The following SPATA16 variants were observed in gnomAD, a reference collection of about 807,000 sequenced individuals.
SPATA16 encodes the protein spermatogenesis associated 16, also known as spermatogenesis-associated protein 16.
SPATA16 carries 36 observed loss-of-function variants against 63.3 expected under a neutral mutation model. The ratio of observed to expected loss-of-function variants is 0.57; its 90% CI spans 0.44 to 0.75. SPATA16 has a LOEUF of 0.75. Among genes scored for constraint, SPATA16 ranks in the 30% least tolerant of loss-of-function variants. The pLI, the probability that SPATA16 is intolerant of heterozygous loss-of-function variation, is 0.00. For missense variants in SPATA16, 646 were observed against 679.3 expected (o/e 0.95, Z 0.54); for synonymous variants, 203 against 216.7 (o/e 0.94, Z 0.56).
At chr3:173,015,798 C>T (rs962849597) in intron 4 of SPATA16, among the ~76,000 whole-genome samples, 1 of 151,902 alleles carries the variant, frequency 6.6e-6, no homozygotes, top group Non-Finnish European at 1.5e-5. Context: ...ACAAAACAGT[C>T]TTGGCTTTTC....
chr3:173,114,662 G>A (rs1403567107), intron 2 of SPATA16, among the ~76,000 whole-genome samples: 1 of 152,174 alleles, frequency 6.6e-6, no homozygotes, highest in Non-Finnish European at 1.5e-5. Flanking sequence ...TAACCCTAAT[G>A]TATCCACACT....
chr3:172,894,832 A>G (rs551938558), intron 10 of SPATA16, among the ~76,000 whole-genome samples: 2 of 152,304 alleles, frequency 1.3e-5, no homozygotes, highest in African/African-American at 2.4e-5. Context: ...GAGTGCACCA[A>G]CTATGAACCA....
At chr3:172,968,442 C>T (rs1264932431) in intron 5 of SPATA16, among the ~76,000 whole-genome samples, 1 of 152,182 alleles carries the variant, frequency 6.6e-6, no homozygotes, top group Non-Finnish European at 1.5e-5. Context: ...TTGGCATGTA[C>T]ATGTTGGGTT....
intron 2 of SPATA16, among the ~76,000 whole-genome samples, chr3:173,108,589 T>C (rs1420944726): frequency 6.6e-6 from 1 of 152,134 alleles, no homozygotes; most frequent in East Asian, 1.9e-4. Context: ...GAGAGTGGGT[T>C]TGGGCATCTG....
At chr3:172,900,594 A>G (rs1401541003) in intron 10 of SPATA16, among the ~76,000 whole-genome samples, 1 of 151,352 alleles carries the variant, frequency 6.6e-6, no homozygotes, top group Admixed American at 6.6e-5. Flanking sequence ...TTTTTTTTAC[A>G]GTTTATTTTT....
chr3:173,037,414 C>A (rs908796194), intron 3 of SPATA16, among the ~76,000 whole-genome samples: 2 of 152,006 alleles, frequency 1.3e-5, no homozygotes, highest in Non-Finnish European at 2.9e-5. Context: ...AGGTTAAATG[C>A]AGAGTGAAGT....
intron 3 of SPATA16, among the ~76,000 whole-genome samples, chr3:173,024,543 G>T (rs1735408033): frequency 6.6e-6 from 1 of 150,488 alleles, no homozygotes; most frequent in Admixed American, 6.6e-5. Context: ...TTCAAGAAAG[G>T]TATCAAAATT....
intron 2 of SPATA16, among the ~76,000 whole-genome samples, chr3:173,071,315 A>G (rs977189138): frequency 9.2e-5 from 14 of 152,324 alleles, no homozygotes; most frequent in African/African-American, 3.4e-4. Flanking sequence ...TTAACTCAAA[A>G]TGGATTACAG....
chr3:172,914,570 G>C (rs961994792), intron 9 of SPATA16, among the ~76,000 whole-genome samples: 1 of 152,216 alleles, frequency 6.6e-6, no homozygotes, highest in Non-Finnish European at 1.5e-5. Flanking sequence ...AGCAATCACT[G>C]TTTAGATAGC....
At chr3:173,086,613 T>C (rs1737061535) in intron 2 of SPATA16, among the ~76,000 whole-genome samples, 1 of 152,166 alleles carries the variant, frequency 6.6e-6, no homozygotes, top group Non-Finnish European at 1.5e-5. Context: ...TCTTTAGTTC[T>C]GTTAGTTGCA....
At chr3:172,940,317 C>A (rs1733115314) in intron 6 of SPATA16, among the ~76,000 whole-genome samples, 1 of 152,158 alleles carries the variant, frequency 6.6e-6, no homozygotes, top group Admixed American at 6.5e-5. Context: ...AAGCCTTCAA[C>A]TTGTGGAACC....
At chr3:172,903,904 T>C (rs1732179493) in intron 10 of SPATA16, among the ~76,000 whole-genome samples, 1 of 152,188 alleles carries the variant, frequency 6.6e-6, no homozygotes, top group African/African-American at 2.4e-5. Context: ...TCAAAGATTG[T>C]CTCATTGGCT....
intron 2 of SPATA16, among the ~76,000 whole-genome samples, chr3:173,085,993 C>T (rs1471546244): frequency 3.4e-5 from 5 of 147,478 alleles, no homozygotes; most frequent in African/African-American, 1.0e-4. Flanking sequence ...TTCTTTCTTT[C>T]TTTTGTTTTT....
Position 173,104,791 on chromosome 3 carries a change from T to C in SPATA16, c.612+12329A>G, listed in dbSNP as rs9825579. Among the ~76,000 whole-genome samples, 1,199 of 152,292 alleles carry C rather than the reference T, an allele frequency of 7.9e-3. 26 individuals carry two copies. The highest frequency in any genetic ancestry group is 0.027 in the African/African-American group (1,103 of 41,570). ...AAACATTCTTAGAGATTTCACCCTG[T>C]CAATCATATTTTTCTTGACTTATTC... On this transcript the variant is annotated intron_variant, in intron 2 of 10. Coordinates refer to ENST00000351008, the MANE Select transcript of SPATA16 (RefSeq NM_031955.6).
chr3:173,004,245 A>T (rs1169392489), intron 4 of SPATA16, among the ~76,000 whole-genome samples: 1 of 152,152 alleles, frequency 6.6e-6, no homozygotes, highest in African/African-American at 2.4e-5. Flanking sequence ...ACTGTCTTTG[A>T]CAGAAATGAA....
chr3:172,932,152 C>T (rs1299972374), intron 6 of SPATA16, among the ~76,000 whole-genome samples: 1 of 152,130 alleles, frequency 6.6e-6, no homozygotes, highest in Non-Finnish European at 1.5e-5. Context: ...AGCATAGACA[C>T]TATTGTTATC....
intron 10 of SPATA16, among the ~76,000 whole-genome samples, chr3:172,905,098 A>T (rs1312620862): frequency 6.6e-6 from 1 of 152,064 alleles, no homozygotes; most frequent in Non-Finnish European, 1.5e-5. Context: ...TCCCTGCATG[A>T]TCTGCACTAC....
intron 6 of SPATA16, among the ~76,000 whole-genome samples, chr3:172,946,356 A>G (rs1733287583): frequency 6.6e-6 from 1 of 152,196 alleles, no homozygotes; most frequent in South Asian, 2.1e-4. Flanking sequence ...TCTGTTTTGC[A>G]GCTTGGGCAA....
intron 2 of SPATA16, among the ~76,000 whole-genome samples, chr3:173,090,997 A>G (rs1737208289): frequency 6.6e-6 from 1 of 152,142 alleles, no homozygotes; most frequent in Admixed American, 6.5e-5. Context: ...TTTCAGGCCT[A>G]TTAGGTGGGA....
Sources: gnomAD v4.1 joint callset for allele counts (sites outside exome capture counted in the v4.1 genomes callset) on GRCh38, gnomAD v4.1.1 for gene constraint, MANE v1.5 for transcripts, NCBI Gene and HGNC (gene_info 2026-07-23, HGNC 2026-07-21) for gene names.